The following MYO9A variants were observed in gnomAD, a reference collection of about 807,000 sequenced individuals.
The protein encoded by MYO9A is myosin IXA.
In MYO9A, 103 loss-of-function variants were observed where a neutral mutation model predicts 293.3. The ratio of observed to expected loss-of-function variants is 0.35; its 90% CI spans 0.30 to 0.41. The LOEUF (loss-of-function observed/expected upper bound fraction) is 0.41, where lower values mean the gene tolerates loss of function less well. Among genes scored for constraint, MYO9A ranks in the 10% least tolerant of loss-of-function variants. MYO9A has a pLI of 1.00. For synonymous variants in MYO9A, 1,001 were observed against 1,035.7 expected (o/e 0.97, Z 0.64); for missense variants, 2,685 against 3,033.0 (o/e 0.89, Z 2.69).
At chr15:71,875,647 T>A (rs555157066) in intron 32 of MYO9A, 144 bp downstream of exon 32, 28 of 373,316 alleles carry the variant, frequency 7.5e-5, no homozygotes, top group Admixed American at 2.8e-4. Flanking sequence ...CATTCTAAAT[T>A]TTTGTAAAGA....
intron 6 of MYO9A, among the ~76,000 whole-genome samples, chr15:72,017,644 T>TA (rs947242274): frequency 6.6e-6 from 1 of 152,172 alleles, no homozygotes; most frequent in Non-Finnish European, 1.5e-5. Flanking sequence ...AAAATTTCTC[T>TA]AAAAAAAATT....
rs183841002 is a variant in MYO9A at position 71,870,486 on chromosome 15, A to C, written c.5979+5305T>G. ...TACATATATATTTGATAAAATAAAA[A>C]GTAATTTAAGAGATTTGGTACTGAT... On this transcript the variant is annotated intron_variant, in intron 32 of 41. Transcript: ENST00000356056. Among the ~76,000 whole-genome samples, 14 of 152,370 alleles carry C rather than the reference A, an allele frequency of 9.2e-5. No individual in the cohort carries two copies. In the East Asian group the frequency reaches 2.5e-3, roughly 27 times the overall value.
chr15:71,966,550 G>A (rs2075883080), intron 13 of MYO9A, among the ~76,000 whole-genome samples: 1 of 151,500 alleles, frequency 6.6e-6, no homozygotes. Context: ...TCCATCTTAG[G>A]AAATGGTACC....
intron 2 of MYO9A, among the ~76,000 whole-genome samples, chr15:72,042,252 C>G (rs988902514): frequency 2.7e-5 from 4 of 146,572 alleles, no homozygotes. Context: ...ATAATCTCAA[C>G]TATTTGGAAG....
At position 71,823,933 on chromosome 15, in the gene MYO9A, C is replaced by T. The variant is rs1000736606; in HGVS notation, c.*2647G>A. 6.6e-6 allele frequency: 1 copy of T among 152,226 alleles called. No homozygotes were observed. The highest frequency in any genetic ancestry group is 1.5e-5 in the Non-Finnish European group (1 of 68,050). 9.4% of individuals were successfully genotyped at this position (152,226 alleles called of 1,614,324 possible). A position where few individuals can be genotyped will look rare whatever the true frequency, so the allele number is the denominator to read the frequency against. The stretch of plus-strand genomic sequence containing the variant: ...GTAATGCGGCATCACTTTGTGGTGA[C>T]ATAACTTTACCATGCAGAGGGCCAG... On this transcript the variant is annotated 3_prime_UTR_variant, in exon 42 of 42. Coordinates refer to ENST00000356056, the MANE Select transcript of MYO9A (RefSeq NM_006901.4).
At chr15:72,100,837 C>T (rs1419602027) in intron 1 of MYO9A, among the ~76,000 whole-genome samples, 7 of 150,116 alleles carry the variant, frequency 4.7e-5, no homozygotes, top group South Asian at 4.2e-4. Context: ...GGAGCGTCTC[C>T]GCCCGGCCAG....
chr15:71,924,070 T>C (rs1258304064), intron 18 of MYO9A, among the ~76,000 whole-genome samples: 1 of 152,120 alleles, frequency 6.6e-6, no homozygotes, highest in Non-Finnish European at 1.5e-5. Flanking sequence ...TTAAATTTTT[T>C]TTTAATTTCC....
At chr15:72,031,880 A>C (rs1418655410) in intron 3 of MYO9A, among the ~76,000 whole-genome samples, 2 of 152,108 alleles carry the variant, frequency 1.3e-5, no homozygotes, top group Admixed American at 1.3e-4. Flanking sequence ...ATTAGAAAAT[A>C]CCAACTTACT....
At chr15:71,930,765 C>G (rs1041230605) in intron 18 of MYO9A, among the ~76,000 whole-genome samples, 2 of 151,982 alleles carry the variant, frequency 1.3e-5, no homozygotes, top group African/African-American at 4.8e-5. Flanking sequence ...TTTTGTAGAG[C>G]CTTTCTTCCA....
At chr15:71,972,414 A>AG (rs1398546192) in intron 12 of MYO9A, 2 of 152,216 alleles carry the variant, frequency 1.3e-5, no homozygotes, top group African/African-American at 2.4e-5. Context: ...ATTGAACTCA[A>AG]GGAGAAGCTG....
chr15:71,878,830 T>A (rs1261355078), intron 30 of MYO9A, among the ~76,000 whole-genome samples: 1 of 138,342 alleles, frequency 7.2e-6, no homozygotes, highest in Non-Finnish European at 1.5e-5. Flanking sequence ...CACTGCAACC[T>A]CCACCTCAAG....
intron 13 of MYO9A, among the ~76,000 whole-genome samples, chr15:71,963,744 C>A (rs1428175693): frequency 6.6e-6 from 1 of 152,130 alleles, no homozygotes; most frequent in Non-Finnish European, 1.5e-5. Context: ...GAAGTTATGA[C>A]TTTAAATTAA....
rs1271872074 is a variant in MYO9A at position 71,885,394 on chromosome 15, GTTTGA to G, written c.5256-1663_5256-1659del. On this transcript the variant is annotated intron_variant, in intron 27 of 41. Transcript: ENST00000356056. ...TTTTTAAAATTTGCTCATGAAAACT[GTTTGA>G]TTTTTCATTTCCTCACTTTTCTATA... 9.2e-5 allele frequency among the ~76,000 whole-genome samples: 14 copies of G among 152,114 alleles called. No individual in the cohort carries two copies. The East Asian group carries it at 2.5e-3, about 27-fold the overall frequency.
rs764601105 is a variant in MYO9A at position 71,880,325 on chromosome 15, T to TA, written c.5622+9dup. On this transcript the variant is annotated intron_variant, in intron 29 of 41. Coordinates refer to ENST00000356056, the MANE Select transcript of MYO9A (RefSeq NM_006901.4). ...CTGCTCCAGGGCCTGACGTGGCAAATAAAGTGTACCTTTTTCAGAAGAAAT... is the reference window on the plus strand; with the variant it reads ...CTGCTCCAGGGCCTGACGTGGCAAATAAAAGTGTACCTTTTTCAGAAGAAAT... The TA allele has an allele frequency of 5.0e-6, 8 of 1,613,318 alleles. No individual in the cohort carries two copies. Among genetic ancestry groups the TA allele is most frequent in the Non-Finnish European group, 6.8e-6 (8 of 1,179,282 alleles).
chr15:71,887,958 C>A, intron 27 of MYO9A, 46 bp downstream of exon 27: 1 of 1,090,692 alleles, frequency 9.2e-7, no homozygotes, highest in Non-Finnish European at 1.3e-6. Flanking sequence ...AGTCAGTTAT[C>A]AAATAAAATT....
At chr15:71,939,281 T>C (rs893359853) in intron 15 of MYO9A, among the ~76,000 whole-genome samples, 1 of 152,112 alleles carries the variant, frequency 6.6e-6, no homozygotes, top group Non-Finnish European at 1.5e-5. Context: ...TAACGGGGGT[T>C]TGTTGTGCAG....
At chr15:72,047,774 C>CTATT (rs2078431835) in intron 1 of MYO9A, among the ~76,000 whole-genome samples, 1 of 74,390 alleles carries the variant, frequency 1.3e-5, no homozygotes, top group Admixed American at 2.4e-4. Context: ...CAGTTACTTC[C>CTATT]TTTTTTTTTT....
chr15:72,020,305 A>G (rs113989705), intron 5 of MYO9A, among the ~76,000 whole-genome samples: 127 of 152,336 alleles, frequency 8.3e-4, no homozygotes, highest in African/African-American at 2.3e-3. Flanking sequence ...TAAAATTAGT[A>G]AAGTCAATGT....
chr15:71,849,969 C>T, intron 38 of MYO9A, 67 bp downstream of exon 38: 1 of 1,567,866 alleles, frequency 6.4e-7, no homozygotes, highest in East Asian at 2.3e-5. Flanking sequence ...TGTTTGATAT[C>T]TGGATACAGT....
Sources: allele counts gnomAD v4.1 joint callset (sites outside exome capture counted in the v4.1 genomes callset), GRCh38; gene constraint gnomAD v4.1.1; transcripts MANE v1.5; gene names NCBI Gene and HGNC (gene_info 2026-07-23, HGNC 2026-07-21).